Variants in CNTNAP4 observed in about 807,000 individuals in gnomAD.
CNTNAP4 encodes the protein contactin-associated protein-like 4.
Under a neutral mutation model 148.4 loss-of-function variants are expected in CNTNAP4, and 98 were observed. That is an observed-to-expected ratio of 0.66 (90% confidence interval 0.56 to 0.78). The LOEUF (loss-of-function observed/expected upper bound fraction) is 0.78. Among genes scored for constraint, CNTNAP4 ranks in the 30% least tolerant of loss-of-function variants. The probability of loss-of-function intolerance (pLI) is 0.00; values close to 1 mark genes in which losing one functional copy is unlikely to be tolerated. For synonymous variants in CNTNAP4, 730 were observed against 565.1 expected, an observed-to-expected ratio of 1.29 and a Z score of -4.14; for missense variants, 1,935 against 1,565.6, an observed-to-expected ratio of 1.24 and a Z score of -3.98.
At chr16:76,393,384 C>T (rs1032184413) in intron 3 of CNTNAP4, among the ~76,000 whole-genome samples, 8 of 152,186 alleles carry the variant, frequency 5.3e-5, no homozygotes, top group African/African-American at 1.9e-4. Context: ...GTATTTACCC[C>T]AGTGACAATG....
At chr16:76,324,647 A>G (rs1962778299) in intron 2 of CNTNAP4, among the ~76,000 whole-genome samples, 1 of 152,112 alleles carries the variant, frequency 6.6e-6, no homozygotes, top group African/African-American at 2.4e-5. Flanking sequence ...GGCTATATGA[A>G]TAATTAATTT....
intron 1 of CNTNAP4, among the ~76,000 whole-genome samples, chr16:76,287,984 T>C (rs1958956627): frequency 1.3e-5 from 2 of 152,068 alleles, no homozygotes; most frequent in Non-Finnish European, 2.9e-5. Context: ...TTTCCACTTT[T>C]GTCTGTCTTT....
chr16:76,325,700 T>C (rs946865693), intron 2 of CNTNAP4, among the ~76,000 whole-genome samples: 1 of 152,102 alleles, frequency 6.6e-6, no homozygotes, highest in African/African-American at 2.4e-5. Context: ...GATTTTTCCA[T>C]GCATTCATCC....
At chr16:76,388,088 A>G in intron 3 of CNTNAP4, among the ~76,000 whole-genome samples, 1 of 152,238 alleles carries the variant, frequency 6.6e-6, no homozygotes. Context: ...TTGAGAGAAT[A>G]CATGAAAATC....
At chr16:76,531,744 A>T (rs1039915692) in intron 17 of CNTNAP4, among the ~76,000 whole-genome samples, 1 of 152,184 alleles carries the variant, frequency 6.6e-6, no homozygotes, top group Non-Finnish European at 1.5e-5. Context: ...TTACATCTGA[A>T]AATAAAGTTA....
chr16:76,279,033 T>G (rs1438220853), intron 1 of CNTNAP4, among the ~76,000 whole-genome samples: 2 of 152,194 alleles, frequency 1.3e-5, no homozygotes, highest in African/African-American at 4.8e-5. Context: ...GTCAATAAAA[T>G]GTATAATTTC....
At chr16:76,346,963 G>A (rs763745461) in intron 2 of CNTNAP4, among the ~76,000 whole-genome samples, 3 of 152,122 alleles carry the variant, frequency 2.0e-5, no homozygotes, top group Admixed American at 1.3e-4. Flanking sequence ...TGACAGCAAA[G>A]AACTAAAACA....
chr16:76,394,155 T>C (rs550670487), intron 3 of CNTNAP4, among the ~76,000 whole-genome samples: 1 of 152,264 alleles, frequency 6.6e-6, no homozygotes, highest in South Asian at 2.1e-4. Context: ...CAACTTATCA[T>C]TTGGCATTCA....
At chr16:76,411,750 A>C (rs2078802709) in intron 3 of CNTNAP4, among the ~76,000 whole-genome samples, 1 of 151,482 alleles carries the variant, frequency 6.6e-6, no homozygotes, top group African/African-American at 2.4e-5. Flanking sequence ...ACTATTTTTT[A>C]AAGTGCCAAG....
chr16:76,558,797 T>G lies in CNTNAP4; in HGVS notation c.*114T>G. The G allele has an allele frequency of 5.5e-6, 4 of 727,312 alleles. No individual in the cohort carries two copies. The highest frequency in any genetic ancestry group is 8.8e-6 in the Non-Finnish European group (4 of 455,068). 45.1% of individuals were successfully genotyped at this position (727,312 alleles called of 1,614,324 possible). A position where few individuals can be genotyped will look rare whatever the true frequency, so the allele number is the denominator to read the frequency against. On this transcript the variant is annotated 3_prime_UTR_variant, in exon 24 of 24. Coordinates refer to ENST00000611870, the MANE Select transcript of CNTNAP4 (RefSeq NM_033401.5). The stretch of plus-strand genomic sequence containing the variant: ...TGTACAGGCAGTGGGCTTGCAGCAC[T>G]GCCATCTTGCCATGTACAGGCTTGG...
intron 4 of CNTNAP4, among the ~76,000 whole-genome samples, chr16:76,428,858 G>A (rs1024076471): frequency 3.3e-5 from 5 of 152,046 alleles, no homozygotes; most frequent in South Asian, 2.1e-4. Flanking sequence ...AGCAGTTTAC[G>A]ATTCCTCAAA....
At chr16:76,387,232 A>G (rs1192450138) in intron 3 of CNTNAP4, among the ~76,000 whole-genome samples, 1 of 152,238 alleles carries the variant, frequency 6.6e-6, no homozygotes, top group Non-Finnish European at 1.5e-5. Context: ...TTATAGTCCG[A>G]TAAGTGATAT....
At chr16:76,381,425 A>G (rs1229121598) in intron 3 of CNTNAP4, among the ~76,000 whole-genome samples, 1 of 152,162 alleles carries the variant, frequency 6.6e-6, no homozygotes, top group Non-Finnish European at 1.5e-5. Context: ...TAATTCTGAT[A>G]CTGTGCTAGT....
At chr16:76,428,676 A>G (rs562662450) in intron 4 of CNTNAP4, among the ~76,000 whole-genome samples, 3 of 152,078 alleles carry the variant, frequency 2.0e-5, no homozygotes, top group Non-Finnish European at 2.9e-5. Flanking sequence ...ACCATCAAAC[A>G]TATTTGACAG....
chr16:76,528,352 G>A (rs72799055), intron 17 of CNTNAP4, among the ~76,000 whole-genome samples: 15,941 of 152,044 alleles, frequency 0.1, 963 homozygotes, highest in Non-Finnish European at 0.14. Context: ...TGCAACCTAC[G>A]CCTCCCAGGC....
intron 17 of CNTNAP4, among the ~76,000 whole-genome samples, chr16:76,532,208 G>A (rs2084013566): frequency 6.6e-6 from 1 of 152,210 alleles, no homozygotes; most frequent in African/African-American, 2.4e-5. Context: ...ATGAGCTGAT[G>A]CATACAAGAA....
intron 8 of CNTNAP4, among the ~76,000 whole-genome samples, chr16:76,457,128 A>T (rs1179891800): frequency 6.6e-6 from 1 of 152,220 alleles, no homozygotes; most frequent in Non-Finnish European, 1.5e-5. Context: ...AAACAAATTC[A>T]AATTCTATGA....
At chr16:76,403,116 G>A (rs1457384532) in intron 3 of CNTNAP4, among the ~76,000 whole-genome samples, 6 of 147,928 alleles carry the variant, frequency 4.1e-5, no homozygotes, top group Non-Finnish European at 7.4e-5. Flanking sequence ...TTTTTGAGAC[G>A]AAGTCTCGCT....
chr16:76,472,871 G>A (rs929937744), intron 10 of CNTNAP4, among the ~76,000 whole-genome samples: 4 of 152,200 alleles, frequency 2.6e-5, no homozygotes, highest in African/African-American at 4.8e-5. Flanking sequence ...TTATACCTGG[G>A]TGATGAAACA....
Sources: allele counts gnomAD v4.1 joint callset (sites outside exome capture counted in the v4.1 genomes callset), GRCh38; gene constraint gnomAD v4.1.1; transcripts MANE v1.5; gene names NCBI Gene and HGNC (gene_info 2026-07-23, HGNC 2026-07-21).